Variants in ABCA7 observed in about 807,000 individuals in gnomAD.
ABCA7 encodes ATP binding cassette subfamily A member 7.
Under a neutral mutation model 227.6 loss-of-function variants are expected in ABCA7, and 261 were observed. That is an observed-to-expected ratio of 1.15 (90% CI 1.04 to 1.27). The LOEUF (loss-of-function observed/expected upper bound fraction) is 1.27, where lower values mean the gene tolerates loss of function less well. Ranked by LOEUF, ABCA7 falls within the 50% of genes most tolerant of loss-of-function variation. The probability of loss-of-function intolerance (pLI) is 0.00; values close to 1 mark genes in which losing one functional copy is unlikely to be tolerated. For synonymous variants in ABCA7, 1,488 were observed against 1,279.7 expected, an observed-to-expected ratio of 1.16 and a Z score of -3.47; for missense variants, 3,331 against 2,924.5, an observed-to-expected ratio of 1.14 and a Z score of -3.21.
chr19:1,065,031 G>C lies in ABCA7; in HGVS notation c.6145G>C (p.Glu2049Gln). ...CGAGTTCCCTGGGGCGGAGCTGCGC[G>C]AGGCACATGGAGGCCGCCTGCGCTT... ...AAEFPGAELR[E>Q]AHGGRLRFQL... The change falls in exon 46 of 47, where the codon GAG becomes CAG. Residue 2049 changes from glutamate (E) to glutamine (Q), a missense_variant. Coordinates refer to ENST00000263094, the MANE Select transcript of ABCA7 (RefSeq NM_019112.4). The C allele has an allele frequency of 6.4e-7, 1 of 1,555,252 alleles. No homozygotes were observed. The highest frequency in any genetic ancestry group is 2.4e-5 in the East Asian group (1 of 41,260).
intron 40 of ABCA7, among the ~76,000 whole-genome samples, chr19:1,061,145 C>T (rs2042625249): frequency 6.6e-6 from 1 of 152,076 alleles, no homozygotes; most frequent in Admixed American, 6.6e-5. Flanking sequence ...AGCTGTAACC[C>T]CAGCACTTTG....
In ABCA7 at chr19:1,063,969, G is replaced by A. The variant is rs952613186; in HGVS notation, c.5951+106G>A. 1.6e-5 allele frequency: 22 copies of A among 1,406,452 alleles called. No homozygotes were observed. In the South Asian group the frequency reaches 1.9e-4, roughly 12 times the overall value. 87.1% of individuals were successfully genotyped at this position (1,406,452 alleles called of 1,614,324 possible). A position where few individuals can be genotyped will look rare whatever the true frequency, so the allele number is the denominator to read the frequency against. ...GGGATGGGGGGTCCTGGCCCTAGTG[G>A]GGCGAGGGCGCCAGGCCCCGGGGTG... On this transcript the variant is annotated intron_variant, in intron 44 of 46. Coordinates refer to ENST00000263094, the MANE Select transcript of ABCA7 (RefSeq NM_019112.4).
rs755721075 is a variant in ABCA7 at position 1,041,577 on chromosome 19, C to G, written c.134C>G (p.Ser45Cys). 1.2e-6 allele frequency: 2 copies of G among 1,612,652 alleles called. No homozygotes were observed. The highest frequency in any genetic ancestry group is 1.1e-5 in the South Asian group (1 of 91,082). ...TTCATCCTGGTGGCTGTTCGCCACT[C>G]CCACCCGCCCCTGGAGCACCATGAA... ...LFFILVAVRH[S>C]HPPLEHHECH... The change falls in exon 3 of 47, where the codon TCC becomes TGC. Residue 45 changes from serine to cysteine, a missense_variant. Transcript: ENST00000263094.
At position 1,052,018 on chromosome 19, in the gene ABCA7, T is replaced by A. The variant is rs377541682; in HGVS notation, c.3039T>A (p.Gly1013=). 1.9e-4 allele frequency: 308 copies of A among 1,611,864 alleles called. 1 individual carries two copies. Among genetic ancestry groups the A allele is most frequent in the Admixed American group, 5.5e-4 (33 of 59,978 alleles). Residue 1013 remains glycine (G), a synonymous_variant, in exon 22 of 47, where the codon GGT becomes GGA. Transcript: ENST00000263094. ...LLGDRVAVVA[G]GRLCCCGSPL... ...GAGACCGTGTGGCCGTGGTGGCAGG[T>A]GGCCGCTTGTGCTGCTGTGGCTCCC... is the stretch of plus-strand genomic sequence containing the variant.
Position 1,053,438 on chromosome 19 carries a change from C to T in ABCA7, c.3330C>T (p.Asp1110=), listed in dbSNP as rs139301818. The T allele has an allele frequency of 2.1e-5, 34 of 1,603,614 alleles. No individual in the cohort carries two copies. Among genetic ancestry groups the T allele is most frequent in the South Asian group, 4.5e-5 (4 of 89,834 alleles). The change falls in exon 24 of 47, where the codon GAC becomes GAT. Residue 1110 remains aspartate (D), a synonymous_variant. Transcript: ENST00000263094. ...TGCTGCCCTACACGGGTGCCCATGA[C>T]GGCAGCTTCGCCACACTCTTCCGAG... ...VLVLPYTGAH[D]GSFATLFREL...
chr19:1,047,011 T>G lies in ABCA7; in HGVS notation c.1832T>G (p.Val611Gly), dbSNP rs529414938. Reference sequence around the variant, plus strand: ...TTCCTGCTCAGCGCCGCACTGCTGGTTCTGGTGCTCAAGGTGGGCGCGCCT... The same window carrying G: ...TTCCTGCTCAGCGCCGCACTGCTGGGTCTGGTGCTCAAGGTGGGCGCGCCT... ...GPFLLSAALLVLVLKLGDILP... is the reference protein window; with the variant it reads ...GPFLLSAALLGLVLKLGDILP... Residue 611 changes from valine to glycine, a missense_variant, in exon 14 of 47, where the codon GTT becomes GGT. Transcript: ENST00000263094. 35 of 1,568,814 alleles carry G rather than the reference T, an allele frequency of 2.2e-5. No individual in the cohort carries two copies. In the East Asian group the frequency reaches 3.5e-4, roughly 16 times the overall value.
Position 1,058,842 on chromosome 19 carries a change from C to T in ABCA7, c.5302C>T (p.Leu1768Phe). 1 of 1,577,132 alleles carries T rather than the reference C, an allele frequency of 6.3e-7. No homozygotes were observed. Among genetic ancestry groups the T allele is most frequent in the Non-Finnish European group, 8.6e-7 (1 of 1,158,524 alleles). ...LPQPRVRSLP[L>F]LGEEDEDVAR... ...CAGGCCCAGGGTGAGGTCTCTGCCA[C>T]TCCTGGGAGAGGAGGACGAGGATGT... The change falls in exon 39 of 47, where the codon CTC becomes TTC. Residue 1768 changes from leucine (L) to phenylalanine (F), a missense_variant. By Grantham distance (22) the Leu-to-Phe change is conservative. Transcript: ENST00000263094.
At chr19:1,051,081 G>A (rs373841193) in intron 19 of ABCA7, 29 bp downstream of exon 19, 177 of 1,611,136 alleles carry the variant, frequency 1.1e-4, no homozygotes, top group Middle Eastern at 1.6e-4. Context: ...AGAGTGCAGC[G>A]GTGGGAAGGG....
intron 35 of ABCA7, 72 bp downstream of exon 35, chr19:1,057,501 TAGAA>T: frequency 6.3e-6 from 9 of 1,423,300 alleles, no homozygotes; most frequent in Non-Finnish European, 7.9e-6. Flanking sequence ...GCTGCTGAGA[TAGAA>T]CTCTGCAGTG....
rs2042712835 is a variant in ABCA7, at chr19:1,062,292, C to T, written c.5691C>T (p.Val1897=). 1.9e-6 allele frequency: 3 copies of T among 1,606,784 alleles called. No individual in the cohort carries two copies. The African/African-American group carries it at 4.0e-5, about 21-fold the overall frequency. The change falls in exon 42 of 47, where the codon GTC becomes GTT. Residue 1897 remains valine, a synonymous_variant. Transcript: ENST00000263094. The stretch of plus-strand genomic sequence containing the variant: ...AGCTGCTTGCGCGCCTGCGCGGTGT[C>T]CCGGAGGCCCAGGTTGCCCAGGTGA... ...HLELLARLRG[V]PEAQVAQTAG...
At chr19:1,057,825 A>G in intron 35 of ABCA7, 90 bp from the exon 36 acceptor site, 2 of 1,491,474 alleles carry the variant, frequency 1.3e-6, no homozygotes, top group Non-Finnish European at 1.8e-6. Flanking sequence ...GTCAAGGTCT[A>G]AGGCAGAGAA....
chr19:1,046,298 A>G lies in ABCA7; in HGVS notation c.1514A>G (p.Tyr505Cys), dbSNP rs1171009131. 1 of 1,605,574 alleles carries G rather than the reference A, an allele frequency of 6.2e-7. No homozygotes were observed. The highest frequency in any genetic ancestry group is 8.5e-7 in the Non-Finnish European group (1 of 1,179,692). Residue 505 changes from tyrosine to cysteine, a missense_variant, in exon 13 of 47, where the codon TAC (tyrosine) becomes TGC (cysteine). Physicochemically the swap from Tyr to Cys is radical, Grantham distance 194 (BLOSUM62 -2). Transcript: ENST00000263094. ...CGCTACGTGTGGGGCGGCTTCGTGT[A>G]CCTGCAAGACCTGGTGGAGCGTGCA... ...DLRYVWGGFVYLQDLVERAAV... is the reference protein window; with the variant it reads ...DLRYVWGGFVCLQDLVERAAV...
rs1422576572 is a variant in ABCA7 at position 1,054,303 on chromosome 19, C to G, written c.3688C>G (p.Leu1230Val). ...QLQALLLKRF[L>V]LARRSRRGLF... Reference sequence around the variant, plus strand: ...CCAGGCCCTGCTTCTCAAGCGCTTTCTGCTTGCCCGCCGCAGCCGCCGCGG... The same window carrying G: ...CCAGGCCCTGCTTCTCAAGCGCTTTGTGCTTGCCCGCCGCAGCCGCCGCGG... Residue 1230 changes from leucine to valine, a missense_variant, in exon 27 of 47, where the codon CTG becomes GTG. Physicochemically the swap from Leu to Val is conservative, Grantham distance 32. Transcript: ENST00000263094. The surrounding 1 kb of genome is among the most constrained non-coding windows in gnomAD (Gnocchi z 4.8). The G allele has an allele frequency of 6.2e-7, 1 of 1,604,780 alleles. No homozygotes were observed. The highest frequency in any genetic ancestry group is 8.5e-7 in the Non-Finnish European group (1 of 1,179,154).
chr19:1,053,386 A>T lies in ABCA7; in HGVS notation c.3278A>T (p.Glu1093Val), dbSNP rs779743941. ...QHWVPGARLV[E>V]ELPHELVLVL... ...TGGGTGCCCGGGGCACGGCTGGTGG[A>T]GGAGCTGCCACACGAGCTGGTGCTG... Residue 1093 changes from glutamate (E) to valine (V), a missense_variant, in exon 24 of 47, where the codon GAG becomes GTG. Coordinates refer to ENST00000263094, the MANE Select transcript of ABCA7 (RefSeq NM_019112.4). The T allele has an allele frequency of 6.2e-7, 1 of 1,607,860 alleles. No homozygotes were observed. Among genetic ancestry groups the T allele is most frequent in the Non-Finnish European group, 8.5e-7 (1 of 1,178,980 alleles).
intron 42 of ABCA7, 134 bp from the exon 43 acceptor site, chr19:1,063,410 C>G: frequency 7.8e-7 from 1 of 1,279,226 alleles, no homozygotes; most frequent in Admixed American, 2.3e-5. Flanking sequence ...CACACTATGT[C>G]CCATTCTCAC....
In ABCA7 at chr19:1,054,432, C is replaced by A. The variant is rs1444087177; in HGVS notation, c.3726+91C>A. ...CAGTGGCCTAATCCAAACCCTTACC[C>A]CCGTGTGTATTCCCAACCCAAAGCA... On this transcript the variant is annotated intron_variant, in intron 27 of 46. Coordinates refer to ENST00000263094, the MANE Select transcript of ABCA7 (RefSeq NM_019112.4). This position sits in a 1 kb window ranked among gnomAD's most constrained non-coding sequence, Gnocchi z 4.8. The A allele has an allele frequency of 2.5e-5, 39 of 1,550,760 alleles. No homozygotes were observed. The highest frequency in any genetic ancestry group is 3.5e-5 in the Admixed American group (2 of 57,400).
In ABCA7 at chr19:1,064,222, T is replaced by C. The variant is rs1270162358; in HGVS notation, c.6013T>C (p.Cys2005Arg). The C allele has an allele frequency of 6.4e-7, 1 of 1,571,364 alleles. No individual in the cohort carries two copies. Among genetic ancestry groups the C allele is most frequent in the Non-Finnish European group, 8.6e-7 (1 of 1,159,830 alleles). ...LAIMVNGRFR[C>R]LGSPQHLKGR... ...CATCATGGTGAATGGGCGGTTCCGCTGCCTGGGCAGCCCGCAACATCTCAA... is the reference window on the plus strand; with the variant it reads ...CATCATGGTGAATGGGCGGTTCCGCCGCCTGGGCAGCCCGCAACATCTCAA... Residue 2005 changes from cysteine (C) to arginine (R), a missense_variant, in exon 45 of 47, where the codon TGC becomes CGC. By Grantham distance (180) the Cys-to-Arg change is radical. Coordinates refer to ENST00000263094, the MANE Select transcript of ABCA7 (RefSeq NM_019112.4).
chr19:1,045,451 A>G, intron 12 of ABCA7: 1 of 584,452 alleles, frequency 1.7e-6, no homozygotes, highest in African/African-American at 1.9e-5. Flanking sequence ...GGCCTGAGAT[A>G]AGATGAGAGC....
chr19:1,050,903 A>G lies in ABCA7; in HGVS notation c.2553-18A>G. The G allele has an allele frequency of 6.4e-7, 1 of 1,572,978 alleles. No homozygotes were observed. The highest frequency in any genetic ancestry group is 1.4e-5 in the African/African-American group (1 of 73,932). ...GCACTCTGTGAAGGGGGCTACTCTGAGACCCCTCTATCCACAGGTCCATCT... is the reference window on the plus strand; with the variant it reads ...GCACTCTGTGAAGGGGGCTACTCTGGGACCCCTCTATCCACAGGTCCATCT... On this transcript the variant is annotated intron_variant, in intron 18 of 46. Transcript: ENST00000263094.
Sources: gnomAD v4.1 joint callset for allele counts (sites outside exome capture counted in the v4.1 genomes callset) on GRCh38, gnomAD v4.1.1 for gene constraint, Gnocchi (gnomAD v3.1) non-coding constraint, MANE v1.5 for transcripts, NCBI Gene and HGNC (gene_info 2026-07-23, HGNC 2026-07-21) for gene names.